Variants in PPP1R9B observed in about 807,000 individuals in gnomAD.
The protein encoded by PPP1R9B is protein phosphatase 1 regulatory subunit 9B.
PPP1R9B carries 17 observed loss-of-function variants against 75.8 expected under a neutral mutation model. That is an observed-to-expected ratio of 0.22 (90% CI 0.15 to 0.34). The LOEUF (loss-of-function observed/expected upper bound fraction) is 0.34. Ranked by LOEUF, PPP1R9B falls within the 10% of genes least tolerant of loss-of-function variation. The pLI is 1.00. For missense variants in PPP1R9B, 875 were observed against 1,196.0 expected (o/e 0.73, Z 3.96); for synonymous variants, 509 against 535.4 (o/e 0.95, Z 0.68).
At chr17:50,148,189 G>T (rs1281768966) in intron 1 of PPP1R9B, among the ~76,000 whole-genome samples, 1 of 152,216 alleles carries the variant, frequency 6.6e-6, no homozygotes, top group Non-Finnish European at 1.5e-5. Context: ...CTGTTCTGAG[G>T]ATCTCAAAGC....
At position 50,140,029 on chromosome 17, in the gene PPP1R9B, A is replaced by T. The variant is rs145237395; in HGVS notation, c.1866+64T>A. 6.9e-4 allele frequency: 1,084 copies of T among 1,560,326 alleles called. 4 individuals are homozygous for T. The East Asian group carries it at 0.013, about 18-fold the overall frequency. On this transcript the variant is annotated intron_variant, in intron 5 of 9. Transcript: ENST00000612501. ...GCAGGGGAAGCAGTAGAGGCAGATGACTGTAATGCTTCATCTAGCCACCAG... is the reference window on the plus strand; with the variant it reads ...GCAGGGGAAGCAGTAGAGGCAGATGTCTGTAATGCTTCATCTAGCCACCAG...
rs1912622995 is a variant in PPP1R9B at position 50,149,534 on chromosome 17, G to A, written c.980C>T (p.Ala327Val). The A allele has an allele frequency of 3.1e-6, 5 of 1,591,518 alleles. No homozygotes were observed. In the African/African-American group the frequency reaches 5.4e-5, roughly 17 times the overall value. Residue 327 changes from alanine to valine, a missense_variant, in exon 1 of 10, where the codon GCG becomes GTG. Physicochemically the swap from Ala to Val is moderately conservative, Grantham distance 64. Around this residue, in one of 4 missense-constraint regions of PPP1R9B, gnomAD observed 449 missense variants for 475.0 expected, o/e 0.95. Transcript: ENST00000612501. The surrounding 1 kb of genome is among the most constrained non-coding windows in gnomAD (Gnocchi z 7.2). ...CACGGTGCTGCCATTCTCCAGGGCC[G>A]CGTGGACCGTAACCTCGGCCTGGAT... ...EVIQAEVTVH[A>V]ALENGSTVAT... is the part of the protein sequence containing the mutation.
At chr17:50,140,794 T>C (rs916033392) in intron 4 of PPP1R9B, among the ~76,000 whole-genome samples, 12 of 152,110 alleles carry the variant, frequency 7.9e-5, no homozygotes, top group African/African-American at 1.2e-4. Context: ...GATCCCTGAA[T>C]GTTAAGCCAA....
At chr17:50,140,052 C>A (rs563485981) in intron 5 of PPP1R9B, 41 bp downstream of exon 5, 10 of 1,606,232 alleles carry the variant, frequency 6.2e-6, no homozygotes, top group Admixed American at 1.7e-5. Context: ...ATCTAGCCAC[C>A]AGGGGGCGAC....
At chr17:50,144,252 C>A (rs1193244853) in intron 2 of PPP1R9B, among the ~76,000 whole-genome samples, 1 of 152,268 alleles carries the variant, frequency 6.6e-6, no homozygotes, top group Non-Finnish European at 1.5e-5. Context: ...GTACCACCAC[C>A]TGCCACCTGC....
intron 1 of PPP1R9B, among the ~76,000 whole-genome samples, chr17:50,148,618 G>C (rs900440475): frequency 6.6e-6 from 1 of 152,228 alleles, no homozygotes; most frequent in Non-Finnish European, 1.5e-5. Flanking sequence ...AAACAGAATA[G>C]AGGAAGGGCT....
intron 4 of PPP1R9B, chr17:50,140,446 G>T: frequency 1.6e-6 from 1 of 623,774 alleles, no homozygotes; most frequent in Non-Finnish European, 2.8e-6. Flanking sequence ...CACCCCTCTG[G>T]CCAGTATTGC....
At chr17:50,148,398 C>T (rs980752831) in intron 1 of PPP1R9B, among the ~76,000 whole-genome samples, 6 of 152,184 alleles carry the variant, frequency 3.9e-5, no homozygotes, top group African/African-American at 4.8e-5. Context: ...CAGGGGGATC[C>T]CAGCCCCACC....
intron 4 of PPP1R9B, 45 bp from the exon 5 acceptor site, chr17:50,140,273 G>C (rs1354631637): frequency 6.4e-7 from 1 of 1,557,536 alleles, no homozygotes; most frequent in African/African-American, 1.4e-5. Context: ...CCTCAGCCAG[G>C]TAATGCATCA....
At chr17:50,143,755 A>G (rs762147442) in intron 2 of PPP1R9B, 37 bp from the exon 3 acceptor site, 1 of 1,612,720 alleles carries the variant, frequency 6.2e-7, no homozygotes, top group South Asian at 1.1e-5. Context: ...CAGGGCTTGT[A>G]GGGGACAGAC....
In PPP1R9B at chr17:50,150,040, G is replaced by A; in HGVS notation, c.474C>T (p.Ala158=). ...RKLFERSAPA[A]AGGDKEAAAR... The stretch of plus-strand genomic sequence containing the variant: ...CCGCGGCCTCCTTGTCGCCGCCTGC[G>A]GCCGCTGGGGCGCTCCGTTCGAACA... The change falls in exon 1 of 10, where the codon GCC becomes GCT. Residue 158 remains alanine (A), a synonymous_variant. Coordinates refer to ENST00000612501, the MANE Select transcript of PPP1R9B (RefSeq NM_032595.5). The surrounding 1 kb of genome is among the most constrained non-coding windows in gnomAD (Gnocchi z 8.7). 6.8e-7 allele frequency: 1 copy of A among 1,465,608 alleles called. No individual in the cohort carries two copies. The highest frequency in any genetic ancestry group is 2.6e-5 in the Admixed American group (1 of 38,824). The allele number at this position is 1,465,608 out of a possible 1,614,324, so 90.8% of individuals were successfully genotyped here.
rs753680798 is a variant in PPP1R9B at position 50,149,418 on chromosome 17, C to A, written c.1096G>T (p.Val366Leu). Residue 366 changes from valine (V) to leucine (L), a missense_variant, in exon 1 of 10, where the codon GTG becomes TTG. Val to Leu is a conservative substitution (Grantham distance 32). Around this residue, in one of 4 missense-constraint regions of PPP1R9B, gnomAD observed 449 missense variants for 475.0 expected, o/e 0.95. Transcript: ENST00000612501. This position sits in a 1 kb window ranked among gnomAD's most constrained non-coding sequence, Gnocchi z 7.2. The part of the protein sequence containing the change: ...AAAVAPPERG[V>L]GNGRAPDVAP... ...ACGTCCGGGGCCCGGCCATTGCCCA[C>A]CCCCCTCTCTGGCGGCGCTACCGCC... is the stretch of plus-strand genomic sequence containing the variant. 132 of 1,610,582 alleles carry A rather than the reference C, an allele frequency of 8.2e-5. No homozygotes were observed. Among genetic ancestry groups the A allele is most frequent in the Non-Finnish European group, 8.1e-5 (95 of 1,178,866 alleles).
intron 1 of PPP1R9B, among the ~76,000 whole-genome samples, chr17:50,147,887 G>A (rs1912555795): frequency 6.6e-6 from 1 of 152,166 alleles, no homozygotes; most frequent in Non-Finnish European, 1.5e-5. Flanking sequence ...GCGAGTGAGA[G>A]GAAAGTTGGG....
At position 50,140,151 on chromosome 17, in the gene PPP1R9B, C is replaced by T. The variant is rs1391354818; in HGVS notation, c.1808G>A (p.Arg603Gln). 2 of 1,612,890 alleles carry T rather than the reference C, an allele frequency of 1.2e-6. No homozygotes were observed. Among genetic ancestry groups the T allele is most frequent in the African/African-American group, 2.7e-5 (2 of 74,914 alleles). Residue 603 changes from arginine to glutamine, a missense_variant, in exon 5 of 10, where the codon CGA (arginine) becomes CAA (glutamine). Coordinates refer to ENST00000612501, the MANE Select transcript of PPP1R9B (RefSeq NM_032595.5). ...CTGCTCCATCATCTCCCGCTGCCAT[C>T]GCTCCTGTTCCAAAGTCTGCTGAAT... is the stretch of plus-strand genomic sequence containing the variant. ...QLIQQTLEQERWQREMMEQRY... is the reference protein window; with the variant it reads ...QLIQQTLEQEQWQREMMEQRY...
rs757999929 is a variant in PPP1R9B at position 50,149,117 on chromosome 17, G to A, written c.1371+26C>T. The stretch of plus-strand genomic sequence containing the variant: ...GCGTGCACGTGGCAGGGGCGGCGCG[G>A]GGGCAGGGCGGGGGGGCTCACTTAC... On this transcript the variant is annotated intron_variant, in intron 1 of 9. Transcript: ENST00000612501. This position sits in a 1 kb window ranked among gnomAD's most constrained non-coding sequence, Gnocchi z 7.2. 7 of 1,388,802 alleles carry A rather than the reference G, an allele frequency of 5.0e-6. No homozygotes were observed. Among genetic ancestry groups the A allele is most frequent in the Non-Finnish European group, 6.5e-6 (7 of 1,069,980 alleles). The allele number at this position is 1,388,802 out of a possible 1,614,324, so 86.0% of individuals were successfully genotyped here.
At chr17:50,143,854 T>C in intron 2 of PPP1R9B, 136 bp from the exon 3 acceptor site, 1 of 1,258,274 alleles carries the variant, frequency 7.9e-7, no homozygotes, top group Admixed American at 1.8e-5. Context: ...GAAGAAGGGA[T>C]ATAGTTCTGT....
rs1912184993 is a variant in PPP1R9B, at chr17:50,135,096, C to T, written c.*235G>A. On this transcript the variant is annotated 3_prime_UTR_variant, in exon 10 of 10. Coordinates refer to ENST00000612501, the MANE Select transcript of PPP1R9B (RefSeq NM_032595.5). ...GCCCTCGGCCTCTGTGCCTCAGCCC[C>T]ATGGGGCAAGAAAGAGGCTGCCCTT... 3 of 581,050 alleles carry T rather than the reference C, an allele frequency of 5.2e-6. No homozygotes were observed. The highest frequency in any genetic ancestry group is 9.3e-6 in the Non-Finnish European group (3 of 324,076). 36.0% of individuals were successfully genotyped at this position (581,050 alleles called of 1,614,324 possible).
intron 3 of PPP1R9B, 47 bp downstream of exon 3, chr17:50,143,550 CG>C: frequency 1.2e-6 from 2 of 1,608,034 alleles, no homozygotes; most frequent in Non-Finnish European, 1.7e-6. Flanking sequence ...CAAGGATGGC[CG>C]GTCGGAGAGG....
rs1373879858 is a variant in PPP1R9B at position 50,150,463 on chromosome 17, G to A, written c.51C>T (p.Ser17=). 5.0e-6 allele frequency: 7 copies of A among 1,387,252 alleles called. No individual in the cohort carries two copies. Among genetic ancestry groups the A allele is most frequent in the South Asian group, 1.6e-5 (1 of 62,502 alleles). 85.9% of individuals were successfully genotyped at this position (1,387,252 alleles called of 1,614,324 possible). Residue 17 remains serine, a synonymous_variant, in exon 1 of 10, where the codon TCC becomes TCT. Transcript: ENST00000612501. This position sits in a 1 kb window ranked among gnomAD's most constrained non-coding sequence, Gnocchi z 8.7. ...CCGCCTCGTAGGCGCTGCGGTGCGGGGAGGCGCTCCGGAGGGGACCCCCGG... is the reference window on the plus strand; with the variant it reads ...CCGCCTCGTAGGCGCTGCGGTGCGGAGAGGCGCTCCGGAGGGGACCCCCGG... ...RGPGGPLRSA[S]PHRSAYEAGI...
Sources: gnomAD v4.1 joint callset for allele counts (sites outside exome capture counted in the v4.1 genomes callset) on GRCh38, gnomAD v4.1.1 for gene constraint, gnomAD v4.1.1 regional missense constraint, Gnocchi (gnomAD v3.1) non-coding constraint, MANE v1.5 for transcripts, NCBI Gene and HGNC (gene_info 2026-07-23, HGNC 2026-07-21) for gene names.